The following MDGA2 variants were observed in gnomAD, a reference collection of about 807,000 sequenced individuals.
MDGA2 encodes MAM domain-containing glycosylphosphatidylinositol anchor protein 2.
In MDGA2, 40 loss-of-function variants were observed where a neutral mutation model predicts 117.8. That is an observed-to-expected ratio of 0.34 (90% CI 0.26 to 0.44). The LOEUF (loss-of-function observed/expected upper bound fraction) is 0.44, where lower values mean the gene tolerates loss of function less well. Among genes scored for constraint, MDGA2 ranks in the 20% least tolerant of loss-of-function variants. The pLI, the probability that MDGA2 is intolerant of heterozygous loss-of-function variation, is 1.00. For missense variants in MDGA2, 1,123 were observed against 1,250.6 expected, an observed-to-expected ratio of 0.90 and a Z score of 1.54; for synonymous variants, 452 against 439.0, an observed-to-expected ratio of 1.03 and a Z score of -0.37.
At chr14:47,251,872 T>C (rs1887457216) in intron 2 of MDGA2, among the ~76,000 whole-genome samples, 1 of 152,188 alleles carries the variant, frequency 6.6e-6, no homozygotes, top group African/African-American at 2.4e-5. Context: ...TTGGGTTTGT[T>C]CCAACTAAAA....
chr14:47,587,335 ATATT>A (rs774225916), intron 1 of MDGA2, among the ~76,000 whole-genome samples: 13 of 152,016 alleles, frequency 8.6e-5, no homozygotes, highest in South Asian at 2.1e-4. Context: ...TTTGGAATAT[ATATT>A]TATTACTTTT....
chr14:47,514,808 C>T (rs1594894990), intron 1 of MDGA2, among the ~76,000 whole-genome samples: 1 of 152,176 alleles, frequency 6.6e-6, no homozygotes, highest in Admixed American at 6.6e-5. Context: ...TGCTTGTCAG[C>T]CAAAACATCT....
At chr14:47,341,197 C>T (rs1439793298) in intron 1 of MDGA2, among the ~76,000 whole-genome samples, 1 of 152,170 alleles carries the variant, frequency 6.6e-6, no homozygotes, top group African/African-American at 2.4e-5. Context: ...CAGTTAGTAA[C>T]ATGCAAAGAA....
intron 10 of MDGA2, among the ~76,000 whole-genome samples, chr14:46,904,731 G>C (rs993894727): frequency 6.5e-4 from 99 of 152,288 alleles, no homozygotes; most frequent in African/African-American, 2.2e-3. Flanking sequence ...TACATTTAAA[G>C]AAGTAGAAGT....
intron 2 of MDGA2, among the ~76,000 whole-genome samples, chr14:47,258,178 C>T (rs1469982983): frequency 6.6e-6 from 1 of 152,076 alleles, no homozygotes; most frequent in Admixed American, 6.6e-5. Context: ...AAATCATTTA[C>T]TAATTATGAT....
intron 1 of MDGA2, among the ~76,000 whole-genome samples, chr14:47,446,878 G>A (rs1277844717): frequency 2.0e-5 from 3 of 152,038 alleles, no homozygotes; most frequent in African/African-American, 7.2e-5. Flanking sequence ...ATTTATTTCA[G>A]CCCCCCTCTA....
chr14:46,872,412 A>C (rs1421646641), intron 14 of MDGA2, among the ~76,000 whole-genome samples: 1 of 151,876 alleles, frequency 6.6e-6, no homozygotes, highest in Non-Finnish European at 1.5e-5. Flanking sequence ...ATACCAGAGA[A>C]ATGTTCTTGT....
chr14:47,065,222 T>C (rs907168317), intron 6 of MDGA2, among the ~76,000 whole-genome samples: 1 of 152,170 alleles, frequency 6.6e-6, no homozygotes. Context: ...ATATTGTGAA[T>C]TGAATACAGG....
intron 1 of MDGA2, 59 bp downstream of exon 1, chr14:47,674,458 T>A: frequency 6.9e-7 from 1 of 1,451,082 alleles, no homozygotes; most frequent in Non-Finnish European, 9.3e-7. Flanking sequence ...GCATTTTCGC[T>A]CACCAGCCTA....
At chr14:47,322,498 C>T (rs896120373) in intron 1 of MDGA2, among the ~76,000 whole-genome samples, 1 of 152,064 alleles carries the variant, frequency 6.6e-6, no homozygotes, top group Non-Finnish European at 1.5e-5. Context: ...TTTTTGAACT[C>T]AAACAATCTG....
intron 9 of MDGA2, among the ~76,000 whole-genome samples, chr14:46,928,158 G>A (rs1884401544): frequency 6.6e-6 from 1 of 151,972 alleles, no homozygotes; most frequent in Non-Finnish European, 1.5e-5. Flanking sequence ...AAAACATTCT[G>A]TATCAAGTTA....
intron 2 of MDGA2, among the ~76,000 whole-genome samples, chr14:47,268,008 C>T (rs977064667): frequency 1.3e-5 from 2 of 151,968 alleles, no homozygotes; most frequent in Non-Finnish European, 1.5e-5. Context: ...GGCTTAAGTA[C>T]CTAACACAAT....
intron 1 of MDGA2, among the ~76,000 whole-genome samples, chr14:47,589,294 T>C (rs1896391662): frequency 1.3e-5 from 2 of 152,038 alleles, no homozygotes; most frequent in Non-Finnish European, 2.9e-5. Flanking sequence ...CATTTTCTTC[T>C]AAAAGTTGTA....
At chr14:47,522,382 C>T (rs1326837057) in intron 1 of MDGA2, among the ~76,000 whole-genome samples, 1 of 99,362 alleles carries the variant, frequency 1.0e-5, no homozygotes, top group Admixed American at 1.0e-4. Flanking sequence ...TACACACACA[C>T]ACACAATTAA....
chr14:47,236,154 A>G (rs1253003741), intron 2 of MDGA2, among the ~76,000 whole-genome samples: 1 of 151,588 alleles, frequency 6.6e-6, no homozygotes, highest in Non-Finnish European at 1.5e-5. Flanking sequence ...AGCCGGGCAT[A>G]GTGGCGGGCG....
At chr14:47,340,235 A>G (rs1455282739) in intron 1 of MDGA2, among the ~76,000 whole-genome samples, 2 of 152,112 alleles carry the variant, frequency 1.3e-5, no homozygotes, top group Non-Finnish European at 1.5e-5. Context: ...GATATACTCA[A>G]TTGGAATGAT....
intron 1 of MDGA2, among the ~76,000 whole-genome samples, chr14:47,622,692 T>C (rs1286412123): frequency 2.6e-5 from 4 of 152,200 alleles, no homozygotes; most frequent in African/African-American, 9.6e-5. Flanking sequence ...AACTGACCCA[T>C]GGATGCGGAA....
chr14:47,013,588 G>C (rs1208862446), intron 8 of MDGA2, among the ~76,000 whole-genome samples: 1 of 151,352 alleles, frequency 6.6e-6, no homozygotes, highest in Non-Finnish European at 1.5e-5. Context: ...ATCTAGAATG[G>C]TGAATTCTTT....
intron 6 of MDGA2, among the ~76,000 whole-genome samples, chr14:47,095,305 G>GT: frequency 6.6e-6 from 1 of 152,070 alleles, no homozygotes; most frequent in Non-Finnish European, 1.5e-5. Flanking sequence ...CTCAGAGGCA[G>GT]TATTTCTCCA....
Sources: gnomAD v4.1 joint callset for allele counts (sites outside exome capture counted in the v4.1 genomes callset) on GRCh38, gnomAD v4.1.1 for gene constraint, MANE v1.5 for transcripts, NCBI Gene and HGNC (gene_info 2026-07-23, HGNC 2026-07-21) for gene names.